CPNE9: variants seen among roughly 807,000 people sequenced by gnomAD.
CPNE9 encodes copine-9.
CPNE9 carries 59 observed loss-of-function variants against 83.0 expected under a neutral mutation model. The ratio of observed to expected loss-of-function variants is 0.71; its 90% CI spans 0.58 to 0.88. The LOEUF is 0.88. CPNE9 is among the 40% of genes least tolerant of loss of function. The pLI, the probability that CPNE9 is intolerant of heterozygous loss-of-function variation, is 0.00. For missense variants in CPNE9, 619 were observed against 720.8 expected, an observed-to-expected ratio of 0.86 and a Z score of 1.62; for synonymous variants, 256 against 273.4, an observed-to-expected ratio of 0.94 and a Z score of 0.63.
At chr3:9,718,284 T>C in intron 16 of CPNE9, 74 bp downstream of exon 16, 5 of 1,469,354 alleles carry the variant, frequency 3.4e-6, no homozygotes, top group South Asian at 2.6e-5. Flanking sequence ...TTGTTCTGTT[T>C]ACATTACTTC....
In CPNE9 at chr3:9,727,161, G is replaced by C; in HGVS notation, c.1451G>C (p.Arg484Pro). Residue 484 changes from arginine (R) to proline (P), a missense_variant, in exon 20 of 21, where the codon CGC becomes CCC. Arg to Pro is a moderately radical substitution (Grantham distance 103, BLOSUM62 -2). Transcript: ENST00000383832. ...GATGTGCGCGTGTCCTCTAGGGGAC[G>C]CTACGCAGAGCGGGACATCGTTCAG... ...GDDVRVSSRG[R>P]YAERDIVQFV... The C allele has an allele frequency of 6.2e-7, 1 of 1,614,212 alleles. No homozygotes were observed. Among genetic ancestry groups the C allele is most frequent in the Non-Finnish European group, 8.5e-7 (1 of 1,180,036 alleles).
intron 7 of CPNE9, among the ~76,000 whole-genome samples, chr3:9,708,615 T>C (rs2076586932): frequency 6.6e-6 from 1 of 152,142 alleles, no homozygotes; most frequent in Non-Finnish European, 1.5e-5. Flanking sequence ...GTGAAGACAA[T>C]GGAAGAGCGG....
At chr3:9,720,590 T>A (rs750772141) in intron 17 of CPNE9, among the ~76,000 whole-genome samples, 2 of 152,350 alleles carry the variant, frequency 1.3e-5, no homozygotes, top group East Asian at 1.9e-4. Flanking sequence ...TCACCCTGAA[T>A]ACTGCCCATG....
intron 17 of CPNE9, among the ~76,000 whole-genome samples, chr3:9,725,405 C>G (rs1331963301): frequency 6.6e-6 from 1 of 151,826 alleles, no homozygotes; most frequent in African/African-American, 2.4e-5. Context: ...TGTGGTGGCT[C>G]ACACCCGTAG....
chr3:9,726,681 T>C lies in CPNE9; in HGVS notation c.1361T>C (p.Met454Thr), dbSNP rs948572233. The change falls in exon 19 of 21, where the codon ATG becomes ACG. Residue 454 changes from methionine to threonine, a missense_variant. Met to Thr is a moderately conservative substitution (Grantham distance 81). Transcript: ENST00000383832. ...EAIVSASSLPMSIIIVGVGPA... is the reference protein window; with the variant it reads ...EAIVSASSLPTSIIIVGVGPA... ...CCCCTACAGGCCTCCTCATTGCCCA[T>C]GTCTATCATTATCGTCGGTGTAGGA... 13 of 1,613,990 alleles carry C rather than the reference T, an allele frequency of 8.1e-6. No homozygotes were observed. Among genetic ancestry groups the C allele is most frequent in the Non-Finnish European group, 9.3e-6 (11 of 1,179,894 alleles).
At position 9,715,380 on chromosome 3, in the gene CPNE9, C is replaced by T; in HGVS notation, c.768+16C>T. On this transcript the variant is annotated intron_variant, in intron 12 of 20. Transcript: ENST00000383832. ...AGTATATGAGGTGAGCATTCCAGCC[C>T]TGCCCAGGTCACCCAGGCCCTCCAT... 4.3e-6 allele frequency: 7 copies of T among 1,614,146 alleles called. No homozygotes were observed. The highest frequency in any genetic ancestry group is 5.9e-6 in the Non-Finnish European group (7 of 1,179,964).
chr3:9,718,748 C>A, intron 17 of CPNE9, 146 bp downstream of exon 17: 1 of 976,664 alleles, frequency 1.0e-6, no homozygotes, highest in Non-Finnish European at 1.5e-6. Flanking sequence ...TACCTGTAAT[C>A]CCAACACTTT....
At chr3:9,725,849 C>T in intron 17 of CPNE9, 100 bp from the exon 18 acceptor site, 2 of 889,670 alleles carry the variant, frequency 2.2e-6, no homozygotes, top group Admixed American at 1.7e-5. Context: ...GCCCCAGTTC[C>T]TGCCCACTGC....
chr3:9,706,468 C>T (rs1160055412), intron 7 of CPNE9, among the ~76,000 whole-genome samples: 1 of 152,180 alleles, frequency 6.6e-6, no homozygotes, highest in African/African-American at 2.4e-5. Context: ...CTGTTCTAGG[C>T]ACCAGGGCTT....
intron 10 of CPNE9, among the ~76,000 whole-genome samples, chr3:9,714,151 T>G (rs1168902419): frequency 6.6e-6 from 1 of 151,936 alleles, no homozygotes; most frequent in Non-Finnish European, 1.5e-5. Context: ...CATAGATGAG[T>G]AGATGAATGG....
intron 5 of CPNE9, 50 bp from the exon 6 acceptor site, chr3:9,705,668 C>T: frequency 1.9e-6 from 3 of 1,612,472 alleles, no homozygotes; most frequent in Middle Eastern, 1.7e-4. Context: ...GCCTGTGCCC[C>T]CTACTCACTG....
intron 7 of CPNE9, among the ~76,000 whole-genome samples, chr3:9,708,567 T>C (rs1204361198): frequency 6.6e-6 from 1 of 152,236 alleles, no homozygotes; most frequent in African/African-American, 2.4e-5. Context: ...TGAAAATCCC[T>C]GTTGACTCTT....
At chr3:9,715,189 G>C in intron 11 of CPNE9, 100 bp from the exon 12 acceptor site, 1 of 1,334,122 alleles carries the variant, frequency 7.5e-7, no homozygotes, top group Non-Finnish European at 1.1e-6. Flanking sequence ...CTGCCCTGCA[G>C]CCTAAGTAGG....
chr3:9,717,008 T>C (rs753835657), intron 14 of CPNE9, 50 bp from the exon 15 acceptor site: 56 of 1,566,014 alleles, frequency 3.6e-5, no homozygotes, highest in Admixed American at 3.3e-5. Context: ...GAAATAGTGA[T>C]GTAATAATCA....
At chr3:9,720,563 A>G (rs921323561) in intron 17 of CPNE9, among the ~76,000 whole-genome samples, 1 of 152,232 alleles carries the variant, frequency 6.6e-6, no homozygotes, top group Admixed American at 6.5e-5. Context: ...GAAAGTTTCA[A>G]TAGAGAAATG....
At chr3:9,723,987 C>T (rs2125474747) in intron 17 of CPNE9, among the ~76,000 whole-genome samples, 1 of 152,272 alleles carries the variant, frequency 6.6e-6, no homozygotes, top group South Asian at 2.1e-4. Context: ...TACTCACCAA[C>T]CACATGTGGA....
chr3:9,718,314 A>G, intron 16 of CPNE9, 104 bp downstream of exon 16: 2 of 1,395,826 alleles, frequency 1.4e-6, no homozygotes, highest in Non-Finnish European at 2.0e-6. Context: ...GTAGAGGAAC[A>G]GGAAGCTATG....
At chr3:9,715,744 A>T (rs1042319191) in intron 13 of CPNE9, among the ~76,000 whole-genome samples, 1 of 152,218 alleles carries the variant, frequency 6.6e-6, no homozygotes, top group African/African-American at 2.4e-5. Flanking sequence ...AAAGAAAAAA[A>T]CCTAAGTTGT....
chr3:9,715,912 C>T, intron 13 of CPNE9, 62 bp from the exon 14 acceptor site: 2 of 1,177,412 alleles, frequency 1.7e-6, no homozygotes, highest in South Asian at 1.7e-5. Flanking sequence ...ATGGGCCTCA[C>T]TTCCTTCTGC....
Sources: allele counts gnomAD v4.1 joint callset (sites outside exome capture counted in the v4.1 genomes callset), GRCh38; gene constraint gnomAD v4.1.1; transcripts MANE v1.5; gene names NCBI Gene and HGNC (gene_info 2026-07-23, HGNC 2026-07-21).